PIK3CD: variants seen among roughly 807,000 people sequenced by gnomAD.
PIK3CD encodes the protein phosphatidylinositol 4,5-bisphosphate 3-kinase catalytic subunit delta isoform.
In PIK3CD, 20 loss-of-function variants were observed where a neutral mutation model predicts 122.9. That is an observed-to-expected ratio of 0.16 (90% CI 0.11 to 0.24). The LOEUF (loss-of-function observed/expected upper bound fraction) is 0.24. Among genes scored for constraint, PIK3CD ranks in the 10% least tolerant of loss-of-function variants. PIK3CD has a pLI of 1.00. For missense variants in PIK3CD, 787 were observed against 1,406.3 expected, an observed-to-expected ratio of 0.56 and a Z score of 7.04; for synonymous variants, 596 against 593.4, an observed-to-expected ratio of 1.00 and a Z score of -0.06.
Position 9,727,553 on chromosome 1 carries a change from C to T in PIK3CD, c.*507C>T, listed in dbSNP as rs1649861449. On this transcript the variant is annotated 3_prime_UTR_variant, in exon 24 of 24. Transcript: ENST00000377346. ...TAGATTCAGGGATGCTTGCTCTCCA[C>T]TTTTCAAGTGGGTCTTGGGTACGAG... 4.1e-6 allele frequency: 1 copy of T among 241,500 alleles called. No homozygotes were observed. The highest frequency in any genetic ancestry group is 9.1e-5 in the South Asian group (1 of 11,048). 15.0% of individuals were successfully genotyped at this position (241,500 alleles called of 1,614,324 possible). A position where few individuals can be genotyped will look rare whatever the true frequency, so the allele number is the denominator to read the frequency against.
chr1:9,630,739 T>TGTGTGTGTGTGTGTGTGCGCGC, the PIK3CD span, among the ~76,000 whole-genome samples: 5 of 150,852 alleles, frequency 3.3e-5, no homozygotes, highest in Admixed American at 2.6e-4. Context: ...TGTGTGTGTG[T>TGTGTGTGTGTGTGTGTGCGCGC]GCAGAAGAGG....
In PIK3CD at chr1:9,689,295, G is replaced by T. The variant is rs1646095611; in HGVS notation, c.-137-2172G>T. On this transcript the variant is annotated intron_variant, in intron 1 of 23. Coordinates refer to ENST00000377346, the MANE Select transcript of PIK3CD (RefSeq NM_005026.5). The surrounding 1 kb of genome is among the most constrained non-coding windows in gnomAD (Gnocchi z 6.1). ...CTGGGGCTCAGGGTGCGAACCCCAA[G>T]GGCCCCGCCTGGCAGCGTCCTGGGC... Among the ~76,000 whole-genome samples the T allele has an allele frequency of 6.6e-6, 1 of 152,204 alleles. No homozygotes were observed. The highest frequency in any genetic ancestry group is 2.1e-4 in the South Asian group (1 of 4,836).
Position 9,716,981 on chromosome 1 carries a change from G to A in PIK3CD, c.803G>A (p.Ser268Asn). Residue 268 changes from serine to asparagine, a missense_variant, in exon 7 of 24, where the codon AGT becomes AAT. Ser to Asn is a conservative substitution (Grantham distance 46). Coordinates refer to ENST00000377346, the MANE Select transcript of PIK3CD (RefSeq NM_005026.5). ...CAGTACATCTGCAGCTGCCTGCACAGTGGGTTGACCCCTCACCTGACCATG... is the reference window on the plus strand; with the variant it reads ...CAGTACATCTGCAGCTGCCTGCACAATGGGTTGACCCCTCACCTGACCATG... ...QFQYICSCLH[S>N]GLTPHLTMVH... 1 of 1,613,876 alleles carries A rather than the reference G, an allele frequency of 6.2e-7. No homozygotes were observed. The highest frequency in any genetic ancestry group is 8.5e-7 in the Non-Finnish European group (1 of 1,180,028).
chr1:9,714,219 A>G (rs1647174223), intron 3 of PIK3CD, among the ~76,000 whole-genome samples: 2 of 152,172 alleles, frequency 1.3e-5, no homozygotes, highest in African/African-American at 2.4e-5. Flanking sequence ...ATTAAAATTC[A>G]AACAGTGCAG....
At chr1:9,680,082 C>G (rs888209049) in intron 1 of PIK3CD, among the ~76,000 whole-genome samples, 1 of 152,156 alleles carries the variant, frequency 6.6e-6, no homozygotes, top group African/African-American at 2.4e-5. Context: ...GCATTGGCAT[C>G]CCAAAGTGCT....
At chr1:9,668,677 G>A (rs1645235379) in intron 1 of PIK3CD, among the ~76,000 whole-genome samples, 1 of 151,764 alleles carries the variant, frequency 6.6e-6, no homozygotes, top group Non-Finnish European at 1.5e-5. Context: ...ACAAGTCTCT[G>A]TTCTCCCTCA....
intron 1 of PIK3CD, among the ~76,000 whole-genome samples, chr1:9,660,244 G>A (rs1644973122): frequency 6.6e-6 from 1 of 152,208 alleles, no homozygotes; most frequent in Middle Eastern, 3.2e-3. Context: ...TTCACCCGAT[G>A]GACACTTCTG....
Position 9,722,395 on chromosome 1 carries a change from C to G in PIK3CD, c.2347+39C>G. 1.3e-6 allele frequency: 2 copies of G among 1,564,494 alleles called. No individual in the cohort carries two copies. Among genetic ancestry groups the G allele is most frequent in the East Asian group, 2.3e-5 (1 of 44,154 alleles). ...CTCCCCACACCCCGCCTGTACTGCC[C>G]TGGGGGGTCCTGGGGTGCTCCTAGA... On this transcript the variant is annotated intron_variant, in intron 18 of 23. Transcript: ENST00000377346. This position sits in a 1 kb window ranked among gnomAD's most constrained non-coding sequence, Gnocchi z 7.6.
At chr1:9,711,113 TG>T (rs1647036432) in intron 3 of PIK3CD, among the ~76,000 whole-genome samples, 1 of 152,096 alleles carries the variant, frequency 6.6e-6, no homozygotes, top group East Asian at 1.9e-4. Flanking sequence ...TTTTGTTTTT[TG>T]AGACAATCTC....
At chr1:9,656,804 G>A (rs1487447446) in intron 1 of PIK3CD, among the ~76,000 whole-genome samples, 6 of 152,052 alleles carry the variant, frequency 3.9e-5, no homozygotes, top group Admixed American at 2.6e-4. Flanking sequence ...TTAGCCAGGC[G>A]TGGTGGCACG....
chr1:9,628,965 G>A, the PIK3CD span, among the ~76,000 whole-genome samples: 246 of 152,268 alleles, frequency 1.6e-3, no homozygotes, highest in Non-Finnish European at 3.0e-3. Flanking sequence ...TTTGCCGTCT[G>A]TGGTCTGCCC....
intron 1 of PIK3CD, chr1:9,654,134 AG>A: frequency 8.1e-7 from 1 of 1,230,158 alleles, no homozygotes; most frequent in Admixed American, 2.2e-5. Flanking sequence ...CCTCCTTCTG[AG>A]CCCCACTTCC....
Position 9,727,052 on chromosome 1 carries a change from C to T in PIK3CD, c.*6C>T. 1 of 1,614,028 alleles carries T rather than the reference C, an allele frequency of 6.2e-7. No individual in the cohort carries two copies. The highest frequency in any genetic ancestry group is 8.5e-7 in the Non-Finnish European group (1 of 1,179,980). On this transcript the variant is annotated 3_prime_UTR_variant, in exon 24 of 24. Transcript: ENST00000377346. ...CCAAAGACAACAGGCAGTAGTGGCT[C>T]CTCCCAGCCCTGGGCCCAAGAGGAG...
intron 1 of PIK3CD, among the ~76,000 whole-genome samples, chr1:9,658,747 C>A (rs1301282188): frequency 6.6e-6 from 1 of 152,090 alleles, no homozygotes; most frequent in Admixed American, 6.6e-5. Flanking sequence ...CCAGGCTGGT[C>A]TCAAACTCCT....
At chr1:9,648,720 C>T (rs923514276), upstream of PIK3CD, among the ~76,000 whole-genome samples, 4 of 152,230 alleles carry the variant, frequency 2.6e-5, no homozygotes, top group East Asian at 1.9e-4. Context: ...ACAGGCCCAA[C>T]GTTCCTTCCA....
At chr1:9,703,507 A>T (rs1395635261) in intron 2 of PIK3CD, among the ~76,000 whole-genome samples, 1 of 152,084 alleles carries the variant, frequency 6.6e-6, no homozygotes, top group Non-Finnish European at 1.5e-5. Context: ...GCGCCCTTCT[A>T]GTCACTCCCC....
At position 9,655,339 on chromosome 1, in the gene PIK3CD, C is replaced by T. The variant is rs536708980; in HGVS notation, c.-138+3537C>T. Among the ~76,000 whole-genome samples the T allele has an allele frequency of 5.9e-5, 9 of 152,198 alleles. No homozygotes were observed. The East Asian group carries it at 1.2e-3, about 20-fold the overall frequency. On this transcript the variant is annotated intron_variant, in intron 1 of 23. Transcript: ENST00000377346. ...ACGCCACCTCTCTCCCTACAGTTAA[C>T]GCTAAGACTGAGTTGTCTTTAGTTT...
chr1:9,689,905 G>C lies in PIK3CD; in HGVS notation c.-137-1562G>C, dbSNP rs1276204071. Among the ~76,000 whole-genome samples, 1 of 151,922 alleles carries C rather than the reference G, an allele frequency of 6.6e-6. No individual in the cohort carries two copies. The highest frequency in any genetic ancestry group is 1.5e-5 in the Non-Finnish European group (1 of 67,930). ...GGGGCCGAGGCAGGGGGTTGCGTTC[G>C]CGGTGGGATTCTCAGCTATGGGCCG... On this transcript the variant is annotated intron_variant, in intron 1 of 23. Coordinates refer to ENST00000377346, the MANE Select transcript of PIK3CD (RefSeq NM_005026.5). The surrounding 1 kb of genome is among the most constrained non-coding windows in gnomAD (Gnocchi z 6.1).
At chr1:9,646,083 T>C in the PIK3CD span, among the ~76,000 whole-genome samples, 1 of 152,096 alleles carries the variant, frequency 6.6e-6, no homozygotes, top group Non-Finnish European at 1.5e-5. Context: ...AAAGTGAAAC[T>C]TCTTAGGACA....
Sources: allele counts gnomAD v4.1 joint callset (sites outside exome capture counted in the v4.1 genomes callset), GRCh38; gene constraint gnomAD v4.1.1; non-coding constraint Gnocchi (gnomAD v3.1); transcripts MANE v1.5; gene names NCBI Gene and HGNC (gene_info 2026-07-23, HGNC 2026-07-21).